NIT2: variants seen among roughly 807,000 people sequenced by gnomAD.
The protein encoded by NIT2 is omega-amidase NIT2.
A neutral mutation model predicts 42.7 loss-of-function variants in NIT2; 46 were observed. That is an observed-to-expected ratio of 1.08 (90% CI 0.85 to 1.38). NIT2 has a LOEUF of 1.38. NIT2 is among the 40% of genes most tolerant of loss of function. The probability of loss-of-function intolerance (pLI) is 0.00; values close to 1 mark genes in which losing one functional copy is unlikely to be tolerated. For synonymous variants in NIT2, 123 were observed against 121.9 expected, an observed-to-expected ratio of 1.01 and a Z score of -0.06; for missense variants, 309 against 342.5, an observed-to-expected ratio of 0.90 and a Z score of 0.77.
At chr3:100,334,868 G>A in intron 1 of NIT2, 70 bp downstream of exon 1, 1 of 1,257,900 alleles carries the variant, frequency 7.9e-7, no homozygotes, top group Non-Finnish European at 1.0e-6. Context: ...GGCGCCGGCG[G>A]TGGCTCGGCC....
rs533528706 is a variant in NIT2 at position 100,355,841 on chromosome 3, A to G, written c.*573A>G. ...CCCCAGGCCCTTCTGGTCTTAGAGGAAGGACTGGGCCAACAAAGAGCACCA... is the reference window on the plus strand; with the variant it reads ...CCCCAGGCCCTTCTGGTCTTAGAGGGAGGACTGGGCCAACAAAGAGCACCA... On this transcript the variant is annotated 3_prime_UTR_variant, in exon 10 of 10. Transcript: ENST00000394140. 6.6e-6 allele frequency: 1 copy of G among 152,380 alleles called. No individual in the cohort carries two copies. Among genetic ancestry groups the G allele is most frequent in the South Asian group, 2.1e-4 (1 of 4,830 alleles). The allele number at this position is 152,380 out of a possible 1,614,324, so 9.4% of individuals were successfully genotyped here. A position where few individuals can be genotyped will look rare whatever the true frequency, so the allele number is the denominator to read the frequency against.
intron 4 of NIT2, among the ~76,000 whole-genome samples, chr3:100,344,748 C>T (rs947362272): frequency 2.0e-5 from 3 of 151,534 alleles, no homozygotes; most frequent in Non-Finnish European, 4.4e-5. Flanking sequence ...CTGGTTCAAG[C>T]TGTTCTCTTC....
intron 7 of NIT2, chr3:100,349,165 G>A (rs1207227145): frequency 1.1e-5 from 3 of 278,452 alleles, no homozygotes; most frequent in Non-Finnish European, 2.1e-5. Context: ...CCAGGCTGGA[G>A]TGCAGTGGTG....
At chr3:100,354,940 A>G in intron 9 of NIT2, 113 bp downstream of exon 9, 1 of 902,496 alleles carries the variant, frequency 1.1e-6, no homozygotes, top group South Asian at 1.6e-5. Flanking sequence ...GCCCCTTCTC[A>G]TTGATCTCTG....
intron 6 of NIT2, among the ~76,000 whole-genome samples, chr3:100,347,844 A>G (rs1171849179): frequency 6.6e-6 from 1 of 151,970 alleles, no homozygotes; most frequent in Non-Finnish European, 1.5e-5. Context: ...GGGTGTGTGT[A>G]CTCAAGAGAG....
intron 1 of NIT2, among the ~76,000 whole-genome samples, chr3:100,337,282 T>A (rs1388936475): frequency 2.0e-5 from 3 of 152,184 alleles, no homozygotes; most frequent in Non-Finnish European, 4.4e-5. Context: ...CGCTCTTTCT[T>A]TTCCCTACAC....
chr3:100,348,747 C>T, intron 6 of NIT2, 56 bp from the exon 7 acceptor site: 12 of 1,378,168 alleles, frequency 8.7e-6, no homozygotes, highest in South Asian at 8.2e-5. Context: ...GTGGGGAGGA[C>T]TGGTTTTGTT....
At chr3:100,341,823 C>T (rs908124830) in intron 4 of NIT2, among the ~76,000 whole-genome samples, 27 of 152,158 alleles carry the variant, frequency 1.8e-4, no homozygotes, top group African/African-American at 5.5e-4. Context: ...AAGTGGATCA[C>T]CTGAGGTCAG....
At position 100,361,150 on chromosome 3, in the gene NIT2, T is replaced by C. The variant is rs1706380104; in HGVS notation, c.*5882T>C. ...AACATCTTAGACCTTTTACAGCTCT[T>C]GACACAGAGCAATATTGAGAAATAA... On this transcript the variant is annotated 3_prime_UTR_variant, in exon 10 of 10. Coordinates refer to ENST00000394140, the MANE Select transcript of NIT2 (RefSeq NM_020202.5). The C allele has an allele frequency of 6.6e-6, 1 of 152,598 alleles. No individual in the cohort carries two copies. The highest frequency in any genetic ancestry group is 6.5e-5 in the Admixed American group (1 of 15,278). The allele number at this position is 152,598 out of a possible 1,614,324, so 9.5% of individuals were successfully genotyped here.
At chr3:100,346,295 G>A (rs563229670) in intron 6 of NIT2, 40 bp downstream of exon 6, 31 of 1,576,800 alleles carry the variant, frequency 2.0e-5, no homozygotes, top group Middle Eastern at 1.7e-4. Context: ...GGTGCTTGGA[G>A]GCTTGGTTCT....
intron 1 of NIT2, among the ~76,000 whole-genome samples, chr3:100,337,713 A>C (rs1706094652): frequency 6.6e-6 from 1 of 152,168 alleles, no homozygotes; most frequent in Admixed American, 6.5e-5. Context: ...TTGGCCTCCC[A>C]AAGTGCTGGG....
At chr3:100,346,745 G>A (rs1706221634) in intron 6 of NIT2, among the ~76,000 whole-genome samples, 1 of 152,204 alleles carries the variant, frequency 6.6e-6, no homozygotes, top group South Asian at 2.1e-4. Flanking sequence ...CTAGAGCAGT[G>A]TGGTTCTCAG....
intron 7 of NIT2, among the ~76,000 whole-genome samples, chr3:100,350,803 C>T (rs927989429): frequency 1.3e-5 from 2 of 152,060 alleles, no homozygotes; most frequent in Non-Finnish European, 2.9e-5. Flanking sequence ...TGTGCTGCAC[C>T]CATTAACTCG....
intron 6 of NIT2, among the ~76,000 whole-genome samples, chr3:100,347,995 A>G (rs1449429998): frequency 2.6e-5 from 4 of 151,974 alleles, no homozygotes; most frequent in Non-Finnish European, 5.9e-5. Flanking sequence ...GATTCAAGCA[A>G]TTCTCCTGCC....
At chr3:100,334,872 C>T (rs765694193) in intron 1 of NIT2, 74 bp downstream of exon 1, 2 of 1,227,820 alleles carry the variant, frequency 1.6e-6, no homozygotes, top group South Asian at 3.8e-5. Flanking sequence ...CCGGCGGTGG[C>T]TCGGCCGGCT....
chr3:100,345,801 G>C, intron 5 of NIT2, 123 bp downstream of exon 5: 1 of 677,386 alleles, frequency 1.5e-6, no homozygotes, highest in Admixed American at 2.6e-5. Context: ...AGTGAGAAAG[G>C]CAGAGAATCA....
Position 100,355,363 on chromosome 3 carries a change from A to G in NIT2, c.*95A>G. On this transcript the variant is annotated 3_prime_UTR_variant, in exon 10 of 10. Transcript: ENST00000394140. ...TTCTTTAATGAAGATTTTTTTTTTA[A>G]TTCGGCCTTGTCCTTCCTAGGTTCT... The G allele has an allele frequency of 1.1e-6, 1 of 937,134 alleles. No homozygotes were observed. Among genetic ancestry groups the G allele is most frequent in the Non-Finnish European group, 1.6e-6 (1 of 614,914 alleles). 58.1% of individuals were successfully genotyped at this position (937,134 alleles called of 1,614,324 possible).
Position 100,359,558 on chromosome 3 carries a change from C to A in NIT2, c.*4290C>A, listed in dbSNP as rs1706356306. ...ACTAAAGACCGATTTGTAGACCTGT[C>A]CATGTGGCCTCTCTCAACACCATTG... On this transcript the variant is annotated 3_prime_UTR_variant, in exon 10 of 10. Transcript: ENST00000394140. The A allele has an allele frequency of 6.6e-6, 1 of 152,044 alleles. No homozygotes were observed. Among genetic ancestry groups the A allele is most frequent in the Non-Finnish European group, 1.5e-5 (1 of 68,058 alleles). 9.4% of individuals were successfully genotyped at this position (152,044 alleles called of 1,614,324 possible).
At chr3:100,348,040 G>A (rs1353848007) in intron 6 of NIT2, among the ~76,000 whole-genome samples, 2 of 152,036 alleles carry the variant, frequency 1.3e-5, no homozygotes, top group Non-Finnish European at 2.9e-5. Flanking sequence ...ATAGGCGCTC[G>A]CCACCACGCC....
Sources: allele counts gnomAD v4.1 joint callset (sites outside exome capture counted in the v4.1 genomes callset), GRCh38; gene constraint gnomAD v4.1.1; transcripts MANE v1.5; gene names NCBI Gene and HGNC (gene_info 2026-07-23, HGNC 2026-07-21).